The following AGBL1 variants were observed in gnomAD, a reference collection of about 807,000 sequenced individuals.
AGBL1 encodes the protein AGBL carboxypeptidase 1.
In AGBL1, 130 loss-of-function variants were observed where a neutral mutation model predicts 118.9. That is an observed-to-expected ratio of 1.09 (90% CI 0.95 to 1.26). AGBL1 has a LOEUF of 1.26. Ranked by LOEUF, AGBL1 falls within the 50% of genes most tolerant of loss-of-function variation. The pLI is 0.00. For synonymous variants in AGBL1, 555 were observed against 478.9 expected, an observed-to-expected ratio of 1.16 and a Z score of -2.08; for missense variants, 1,584 against 1,298.1, an observed-to-expected ratio of 1.22 and a Z score of -3.38.
intron 23 of AGBL1, among the ~76,000 whole-genome samples, chr15:86,930,030 C>CA: frequency 6.6e-6 from 1 of 152,212 alleles, no homozygotes; most frequent in Admixed American, 6.5e-5. Flanking sequence ...TCCAACAATC[C>CA]ACGCTTGCTT....
At position 86,665,148 on chromosome 15, in the gene AGBL1, C is replaced by T. The variant is rs1041042268; in HGVS notation, c.2995-9125C>T. 2.0e-5 allele frequency among the ~76,000 whole-genome samples: 3 copies of T among 152,096 alleles called. No individual in the cohort carries two copies. In the South Asian group the frequency reaches 6.2e-4, roughly 32 times the overall value. On this transcript the variant is annotated intron_variant, in intron 21 of 22. Coordinates refer to ENST00000614907, the MANE Select transcript of AGBL1 (RefSeq NM_001386094.1). ...TCCCTATGACGTTGCCAATTTGAAA[C>T]ACATGATGTCAATATTTCCACGGTG...
intron 5 of AGBL1, among the ~76,000 whole-genome samples, chr15:86,178,889 A>T (rs952782124): frequency 2.0e-5 from 3 of 152,316 alleles, no homozygotes; most frequent in African/African-American, 7.2e-5. Context: ...AACATGAGTA[A>T]ACTTTGCAAA....
In AGBL1 at chr15:86,437,627, G is replaced by A. The variant is rs571510584; in HGVS notation, c.2555+40081G>A. The stretch of plus-strand genomic sequence containing the variant: ...ATCCTAATCCTGGTTGGTGACTAAA[G>A]TGCTAGGCCTCTTACAAGAACATCA... On this transcript the variant is annotated intron_variant, in intron 18 of 22. Transcript: ENST00000614907. 3.9e-5 allele frequency among the ~76,000 whole-genome samples: 6 copies of A among 152,272 alleles called. No homozygotes were observed. The South Asian group carries it at 1.2e-3, about 32-fold the overall frequency.
Position 86,972,036 on chromosome 15 carries a change from A to G in AGBL1, c.3222-15951A>G, listed in dbSNP as rs1388233451. 2.0e-5 allele frequency among the ~76,000 whole-genome samples: 3 copies of G among 151,970 alleles called. No individual in the cohort carries two copies. In the South Asian group the frequency reaches 6.2e-4, roughly 32 times the overall value. ...CCTGAGGCTTCCCTAGTCATGCTGA[A>G]CTGTAAGTCAATTAAACCTCTTTCC... On this transcript the variant is annotated intron_variant, in intron 23 of 24. Coordinates refer to the AGBL1 transcript ENST00000441037.
chr15:86,820,989 A>T (rs966084353), intron 22 of AGBL1, among the ~76,000 whole-genome samples: 1 of 152,238 alleles, frequency 6.6e-6, no homozygotes, highest in Admixed American at 6.5e-5. Context: ...ACCGTGGAAT[A>T]CTACGGAGCC....
At chr15:86,502,387 G>A (rs2082927764) in intron 18 of AGBL1, among the ~76,000 whole-genome samples, 1 of 151,428 alleles carries the variant, frequency 6.6e-6, no homozygotes, top group Non-Finnish European at 1.5e-5. Context: ...AATAAAGATA[G>A]TATTACTTTT....
chr15:86,440,452 G>C (rs1176849189), intron 18 of AGBL1, among the ~76,000 whole-genome samples: 1 of 150,482 alleles, frequency 6.6e-6, no homozygotes, highest in Non-Finnish European at 1.5e-5. Context: ...AAATTGACAT[G>C]TGTGATTGTC....
intron 18 of AGBL1, among the ~76,000 whole-genome samples, chr15:86,508,670 GTC>G (rs1209681236): frequency 6.6e-6 from 1 of 151,870 alleles, no homozygotes; most frequent in Non-Finnish European, 1.5e-5. Context: ...GATCCAATTA[GTC>G]TCTAAGATTA....
chr15:86,722,968 C>A (rs1280668901), intron 22 of AGBL1, among the ~76,000 whole-genome samples: 1 of 151,346 alleles, frequency 6.6e-6, no homozygotes, highest in African/African-American at 2.4e-5. Context: ...CATCTCCCAC[C>A]AGTTAGAATG....
At chr15:86,282,245 AC>A (rs1395318478) in intron 16 of AGBL1, among the ~76,000 whole-genome samples, 2 of 151,784 alleles carry the variant, frequency 1.3e-5, no homozygotes, top group Non-Finnish European at 2.9e-5. Context: ...AAAAAAGAGG[AC>A]CCCCCTCTCT....
chr15:86,504,985 A>T (rs1021358890), intron 18 of AGBL1, among the ~76,000 whole-genome samples: 1 of 151,702 alleles, frequency 6.6e-6, no homozygotes, highest in African/African-American at 2.4e-5. Flanking sequence ...TTTCTTTGTT[A>T]GGAAACAAAT....
chr15:86,835,627 C>T (rs2079160571), intron 22 of AGBL1, among the ~76,000 whole-genome samples: 1 of 151,978 alleles, frequency 6.6e-6, no homozygotes, highest in Non-Finnish European at 1.5e-5. Context: ...AAATTAAGAC[C>T]TGGTCACAGG....
At chr15:86,498,540 C>T (rs1245172667) in intron 18 of AGBL1, among the ~76,000 whole-genome samples, 1 of 151,924 alleles carries the variant, frequency 6.6e-6, no homozygotes, top group African/African-American at 2.4e-5. Flanking sequence ...TGATTGATTA[C>T]TGGGCTTAGA....
Position 86,791,728 on chromosome 15 carries a change from T to TATATA in AGBL1, c.3159-115359_3159-115358insATATA, listed in dbSNP as rs1177264209. Among the ~76,000 whole-genome samples, 206 of 142,890 alleles carry TATATA rather than the reference T, an allele frequency of 1.4e-3. No homozygotes were observed. The East Asian group carries it at 0.019, about 13-fold the overall frequency. The allele number at this position is 142,890 out of a possible 152,430, so 93.7% of individuals were successfully genotyped here. A position where few individuals can be genotyped will look rare whatever the true frequency, so the allele number is the denominator to read the frequency against. ...TTCTGAACTCATCTTTCCTTGTTTT[T>TATATA]TATATATATATATATATATATATTT... On this transcript the variant is annotated intron_variant, in intron 22 of 22. Transcript: ENST00000614907.
At chr15:86,441,903 G>C (rs2082068790) in intron 18 of AGBL1, among the ~76,000 whole-genome samples, 1 of 152,214 alleles carries the variant, frequency 6.6e-6, no homozygotes, top group African/African-American at 2.4e-5. Context: ...TCTTGAACAG[G>C]GAAGGATCAG....
At chr15:86,482,364 C>T (rs1461958027) in intron 18 of AGBL1, among the ~76,000 whole-genome samples, 1 of 152,120 alleles carries the variant, frequency 6.6e-6, no homozygotes, top group Non-Finnish European at 1.5e-5. Flanking sequence ...AGATGGATGG[C>T]CTCTGCCATG....
At chr15:86,105,277 C>T (rs1038763338) in intron 1 of AGBL1, 1 of 152,154 alleles carries the variant, frequency 6.6e-6, no homozygotes, top group Non-Finnish European at 1.5e-5. Context: ...AATGTTGAGA[C>T]TCTGGACATC....
intron 22 of AGBL1, among the ~76,000 whole-genome samples, chr15:86,864,155 G>A (rs149504860): frequency 6.6e-6 from 1 of 152,150 alleles, no homozygotes; most frequent in Non-Finnish European, 1.5e-5. Context: ...TGAGTTGAAT[G>A]TAAGAAAGAA....
chr15:86,163,337 G>T (rs111236121), intron 5 of AGBL1, among the ~76,000 whole-genome samples: 2,279 of 152,328 alleles, frequency 0.015, 62 homozygotes, highest in African/African-American at 0.052. Flanking sequence ...GCTGAGGTGG[G>T]AGAGTTGCTT....
Sources: gnomAD v4.1 joint callset for allele counts (sites outside exome capture counted in the v4.1 genomes callset) on GRCh38, gnomAD v4.1.1 for gene constraint, MANE v1.5 for transcripts, NCBI Gene and HGNC (gene_info 2026-07-23, HGNC 2026-07-21) for gene names.